The following EFCAB6 variants were observed in gnomAD, a reference collection of about 807,000 sequenced individuals.
EFCAB6 encodes the protein EF-hand calcium binding domain 6, also known as EF-hand calcium-binding domain-containing protein 6.
EFCAB6 carries 156 observed loss-of-function variants against 169.8 expected under a neutral mutation model. That is an observed-to-expected ratio of 0.92 (90% CI 0.81 to 1.05). EFCAB6 has a LOEUF of 1.05. EFCAB6 is among the 50% of genes least tolerant of loss of function. The probability of loss-of-function intolerance (pLI) is 0.00; values close to 1 mark genes in which losing one functional copy is unlikely to be tolerated. For missense variants in EFCAB6, 1,800 were observed against 1,829.1 expected (o/e 0.98, Z 0.29); for synonymous variants, 698 against 676.4 (o/e 1.03, Z -0.50).
chr22:43,556,341 T>A (rs1287268656), intron 26 of EFCAB6, among the ~76,000 whole-genome samples: 1 of 152,116 alleles, frequency 6.6e-6, no homozygotes, highest in Non-Finnish European at 1.5e-5. Flanking sequence ...CCGTGGAGTA[T>A]GCTGACCTGG....
At chr22:43,642,260 T>C (rs1176402647) in intron 17 of EFCAB6, among the ~76,000 whole-genome samples, 1 of 152,142 alleles carries the variant, frequency 6.6e-6, no homozygotes, top group Non-Finnish European at 1.5e-5. Flanking sequence ...TTTTTAGCCA[T>C]CCCTCCGTGC....
chr22:43,530,993 G>A (rs1198650431), intron 30 of EFCAB6, 29 bp from the exon 31 acceptor site: 2 of 1,613,144 alleles, frequency 1.2e-6, no homozygotes, highest in South Asian at 2.2e-5. Context: ...GGGGTGAGGA[G>A]GGAGCTTTTG....
chr22:43,567,990 A>C (rs1461606763), intron 26 of EFCAB6, among the ~76,000 whole-genome samples: 3 of 152,216 alleles, frequency 2.0e-5, no homozygotes, highest in Non-Finnish European at 4.4e-5. Context: ...ATCCCAACTC[A>C]GCAACACTGA....
chr22:43,530,303 A>G (rs893921665), intron 31 of EFCAB6, among the ~76,000 whole-genome samples: 2 of 152,170 alleles, frequency 1.3e-5, no homozygotes. Context: ...GGATTGGAAA[A>G]CCACTGCGGG....
intron 17 of EFCAB6, among the ~76,000 whole-genome samples, chr22:43,662,426 A>G (rs2057051738): frequency 6.6e-6 from 1 of 151,988 alleles, no homozygotes; most frequent in Admixed American, 6.6e-5. Flanking sequence ...GGCACTTCCA[A>G]TTTCCAGTAT....
intron 10 of EFCAB6, among the ~76,000 whole-genome samples, chr22:43,700,903 T>C (rs1211382224): frequency 6.6e-6 from 1 of 152,234 alleles, no homozygotes; most frequent in Non-Finnish European, 1.5e-5. Context: ...TTTCAAGTGA[T>C]CATGAAGAGA....
intron 2 of EFCAB6, among the ~76,000 whole-genome samples, chr22:43,788,158 G>A (rs899371642): frequency 2.0e-5 from 3 of 152,162 alleles, no homozygotes; most frequent in African/African-American, 7.2e-5. Flanking sequence ...AAATCTTTGT[G>A]ACTTTGGATT....
chr22:43,540,863 C>G (rs2147071838), intron 27 of EFCAB6, among the ~76,000 whole-genome samples: 1 of 152,248 alleles, frequency 6.6e-6, no homozygotes, highest in South Asian at 2.1e-4. Context: ...AATGTCTTCT[C>G]ACAAGATGAA....
intron 17 of EFCAB6, among the ~76,000 whole-genome samples, chr22:43,662,054 A>G (rs578146912): frequency 5.1e-4 from 78 of 152,052 alleles, no homozygotes; most frequent in African/African-American, 1.8e-3. Context: ...CCAGCTACTC[A>G]GGAAGCTGAG....
At chr22:43,708,786 G>A (rs2059051438) in intron 10 of EFCAB6, among the ~76,000 whole-genome samples, 2 of 152,134 alleles carry the variant, frequency 1.3e-5, no homozygotes, top group South Asian at 2.1e-4. Context: ...AGGAACATAT[G>A]ACAAATCTGT....
At chr22:43,787,352 GCACACACACACACACACA>G (rs61585162) in intron 2 of EFCAB6, among the ~76,000 whole-genome samples, 10 of 146,878 alleles carry the variant, frequency 6.8e-5, no homozygotes, top group Non-Finnish European at 1.5e-4. Flanking sequence ...ACACACATAT[GCACACACACACACACACA>G]CACACACACA....
intron 6 of EFCAB6, among the ~76,000 whole-genome samples, chr22:43,739,264 G>A (rs1383860520): frequency 6.6e-6 from 1 of 152,158 alleles, no homozygotes; most frequent in Non-Finnish European, 1.5e-5. Flanking sequence ...CCCAGCAGCC[G>A]CCTTTGACAC....
At position 43,625,342 on chromosome 22, in the gene EFCAB6, C is replaced by T. The variant is rs1054352082; in HGVS notation, c.2465+1105G>A. ...GTGTCACTATGATGCTGTATCATCACATGGGAAGACACACCTCAGTACTAG... is the reference window on the plus strand; with the variant it reads ...GTGTCACTATGATGCTGTATCATCATATGGGAAGACACACCTCAGTACTAG... On this transcript the variant is annotated intron_variant, in intron 20 of 31. Transcript: ENST00000262726. Among the ~76,000 whole-genome samples the T allele has an allele frequency of 5.9e-5, 9 of 152,176 alleles. No individual in the cohort carries two copies. In the East Asian group the frequency reaches 1.7e-3, roughly 29 times the overall value.
At chr22:43,699,264 A>T (rs1046805475) in intron 10 of EFCAB6, among the ~76,000 whole-genome samples, 1 of 152,170 alleles carries the variant, frequency 6.6e-6, no homozygotes, top group African/African-American at 2.4e-5. Flanking sequence ...GAGGAGAAAG[A>T]AGTGAACTAT....
At chr22:43,737,033 G>A (rs928377758) in intron 6 of EFCAB6, among the ~76,000 whole-genome samples, 1 of 151,546 alleles carries the variant, frequency 6.6e-6, no homozygotes. Context: ...CAACACCTTC[G>A]CTGCTTGGCA....
At position 43,615,839 on chromosome 22, in the gene EFCAB6, G is replaced by T. The variant is rs770980984; in HGVS notation, c.2549C>A (p.Ser850Ter). The part of the protein sequence containing the change: ...YLVTKAKNRW[S>*]DLSKNFLETD... ...TCATTTTCTTACCTTAGACAAGTCT[G>T]ACCATCTGTTTTTTGCTTTGGTAAC... is the stretch of plus-strand genomic sequence containing the variant. Residue 850 changes from serine (S) to a stop codon, truncating the protein, a stop_gained, in exon 21 of 32, where the codon TCA becomes TAA. Transcript: ENST00000262726. LOFTEE classifies it high-confidence loss of function. 2.7e-5 allele frequency: 43 copies of T among 1,613,146 alleles called. No homozygotes were observed. Among genetic ancestry groups the T allele is most frequent in the Non-Finnish European group, 3.6e-5 (42 of 1,179,658 alleles).
At chr22:43,772,545 G>A (rs1366721187) in intron 4 of EFCAB6, among the ~76,000 whole-genome samples, 1 of 151,750 alleles carries the variant, frequency 6.6e-6, no homozygotes, top group Non-Finnish European at 1.5e-5. Context: ...GGAGGCTGAG[G>A]CCAGAGAATT....
intron 21 of EFCAB6, among the ~76,000 whole-genome samples, chr22:43,611,925 C>T (rs187854643): frequency 4.6e-5 from 7 of 152,316 alleles, no homozygotes; most frequent in Non-Finnish European, 8.8e-5. Flanking sequence ...TACAGGACTA[C>T]AGTAACCAAA....
At chr22:43,722,818 G>T (rs2059587059) in intron 8 of EFCAB6, among the ~76,000 whole-genome samples, 1 of 152,150 alleles carries the variant, frequency 6.6e-6, no homozygotes, top group South Asian at 2.1e-4. Flanking sequence ...GCCCATCAGT[G>T]GTGGACTGGA....
Sources: allele counts gnomAD v4.1 joint callset (sites outside exome capture counted in the v4.1 genomes callset), GRCh38; gene constraint gnomAD v4.1.1; transcripts MANE v1.5; gene names NCBI Gene and HGNC (gene_info 2026-07-23, HGNC 2026-07-21).